FAM184A: variants seen among roughly 807,000 people sequenced by gnomAD.
FAM184A encodes family with sequence similarity 184 member A, also known as protein FAM184A.
Under a neutral mutation model 143.8 loss-of-function variants are expected in FAM184A, and 99 were observed. That is an observed-to-expected ratio of 0.69 (90% CI 0.58 to 0.81). FAM184A has a LOEUF of 0.81. FAM184A is among the 40% of genes least tolerant of loss of function. The probability of loss-of-function intolerance (pLI) is 0.00; values close to 1 mark genes in which losing one functional copy is unlikely to be tolerated. For synonymous variants in FAM184A, 427 were observed against 446.4 expected, an observed-to-expected ratio of 0.96 and a Z score of 0.55; for missense variants, 1,217 against 1,310.5, an observed-to-expected ratio of 0.93 and a Z score of 1.10.
intron 11 of FAM184A, among the ~76,000 whole-genome samples, chr6:118,978,145 T>A (rs1254759121): frequency 6.6e-6 from 1 of 152,120 alleles, no homozygotes; most frequent in Non-Finnish European, 1.5e-5. Flanking sequence ...GTATTTTTAG[T>A]AGAGATGCAG....
intron 5 of FAM184A, among the ~76,000 whole-genome samples, chr6:119,015,001 A>G (rs1241499879): frequency 6.6e-6 from 1 of 151,782 alleles, no homozygotes; most frequent in Non-Finnish European, 1.5e-5. Context: ...GGAGGTTGCA[A>G]TGAGCCGAGA....
chr6:119,030,807 G>A, intron 1 of FAM184A, among the ~76,000 whole-genome samples: 1 of 151,592 alleles, frequency 6.6e-6, no homozygotes. Flanking sequence ...TTTTCATAAA[G>A]TACTTTAAAA....
rs564579639 is a variant in FAM184A at position 119,108,926 on chromosome 6, A to G, written c.-202+40152T>C. On this transcript the variant is annotated intron_variant, in intron 1 of 16. Coordinates refer to the FAM184A transcript ENST00000352896. ...TTGAGGGCATCTATGAGTTGACTCA[A>G]TACTACAAACCTAAATCTACTCCCC... Among the ~76,000 whole-genome samples, 4 of 152,306 alleles carry G rather than the reference A, an allele frequency of 2.6e-5. No individual in the cohort carries two copies. In the East Asian group the frequency reaches 5.8e-4, roughly 22 times the overall value.
intron 1 of FAM184A, among the ~76,000 whole-genome samples, chr6:119,036,482 C>A (rs929429763): frequency 1.3e-5 from 2 of 151,986 alleles, no homozygotes; most frequent in Non-Finnish European, 2.9e-5. Context: ...GCTGGGAAAT[C>A]TTTTGGAAAA....
intron 1 of FAM184A, among the ~76,000 whole-genome samples, chr6:119,075,521 T>C (rs1374737632): frequency 6.6e-6 from 1 of 152,188 alleles, no homozygotes; most frequent in Non-Finnish European, 1.5e-5. Flanking sequence ...GTGAGAATTT[T>C]AACTCAGTGT....
chr6:119,136,001 G>A (rs369833806), intron 1 of FAM184A, among the ~76,000 whole-genome samples: 23 of 150,832 alleles, frequency 1.5e-4, no homozygotes, highest in Admixed American at 1.3e-3. Context: ...TTTCCAGGCC[G>A]GGCGCGGTGG....
chr6:119,085,860 G>C (rs1456597365), intron 1 of FAM184A, among the ~76,000 whole-genome samples: 2 of 152,196 alleles, frequency 1.3e-5, no homozygotes, highest in Non-Finnish European at 2.9e-5. Context: ...TACATGGCCA[G>C]AGCAGGAGAA....
intron 4 of FAM184A, among the ~76,000 whole-genome samples, chr6:119,017,289 G>A (rs942440942): frequency 6.6e-6 from 1 of 152,208 alleles, no homozygotes; most frequent in African/African-American, 2.4e-5. Context: ...ACGAGGTCAG[G>A]AGATCAAGAC....
intron 9 of FAM184A, among the ~76,000 whole-genome samples, chr6:118,990,133 TTTTA>T (rs1784331272): frequency 6.6e-6 from 1 of 152,196 alleles, no homozygotes; most frequent in South Asian, 2.1e-4. Flanking sequence ...GCCAACATCT[TTTTA>T]TTTCTTAGAA....
At chr6:118,979,583 A>C in intron 10 of FAM184A, 65 bp from the exon 11 acceptor site, 2 of 1,243,444 alleles carry the variant, frequency 1.6e-6, no homozygotes, top group Non-Finnish European at 1.1e-6. Context: ...ACAAAATAGA[A>C]AACAGTTACT....
At chr6:119,051,969 G>T (rs1358585304) in intron 1 of FAM184A, among the ~76,000 whole-genome samples, 1 of 152,186 alleles carries the variant, frequency 6.6e-6, no homozygotes, top group Non-Finnish European at 1.5e-5. Flanking sequence ...TGGAGGCCCA[G>T]GTTCCCAGAC....
At chr6:118,977,963 T>C (rs902362943) in intron 11 of FAM184A, among the ~76,000 whole-genome samples, 8 of 152,156 alleles carry the variant, frequency 5.3e-5, no homozygotes. Context: ...ATTTTATTTA[T>C]TTATTTATTT....
chr6:118,977,852 GA>G (rs1783892924), intron 11 of FAM184A, among the ~76,000 whole-genome samples: 2 of 152,196 alleles, frequency 1.3e-5, no homozygotes, highest in South Asian at 4.1e-4. Flanking sequence ...ACTAGTTAAA[GA>G]GATCTCTGTA....
intron 1 of FAM184A, among the ~76,000 whole-genome samples, chr6:119,049,443 T>A (rs570616475): frequency 1.3e-4 from 20 of 152,252 alleles, no homozygotes; most frequent in African/African-American, 4.6e-4. Context: ...AGCGACACTT[T>A]GTCTCAAAAA....
intron 1 of FAM184A, among the ~76,000 whole-genome samples, chr6:119,145,232 C>T (rs1181189692): frequency 6.6e-6 from 1 of 152,200 alleles, no homozygotes; most frequent in Non-Finnish European, 1.5e-5. Context: ...AGTGGCCTAT[C>T]ATGGCCACCT....
At chr6:119,142,288 C>A (rs1355559939) in intron 1 of FAM184A, among the ~76,000 whole-genome samples, 2 of 152,072 alleles carry the variant, frequency 1.3e-5, no homozygotes, top group Non-Finnish European at 2.9e-5. Flanking sequence ...GACCTCGAAG[C>A]CCTGATGGTG....
At chr6:119,098,987 A>G (rs983965038) in intron 1 of FAM184A, among the ~76,000 whole-genome samples, 2 of 152,140 alleles carry the variant, frequency 1.3e-5, no homozygotes, top group East Asian at 1.9e-4. Flanking sequence ...GCGCATGCCT[A>G]TAATCCCAGC....
Position 118,981,691 on chromosome 6 carries a change from C to CTG in FAM184A, c.2089-1343_2089-1342dup, listed in dbSNP as rs1275339443. Among the ~76,000 whole-genome samples, 3 of 152,126 alleles carry CTG rather than the reference C, an allele frequency of 2.0e-5. 1 individual carries two copies. Among genetic ancestry groups the CTG allele is most frequent in the Admixed American group, 2.0e-4 (3 of 15,268 alleles). On this transcript the variant is annotated intron_variant, in intron 9 of 17. Coordinates refer to ENST00000338891, the MANE Select transcript of FAM184A (RefSeq NM_024581.6). ...AAAAAGCAGCAGGAACAGTCACAGA[C>CTG]TGTAGTGAGCTTAGGGTGATGATTA...
chr6:119,126,484 C>A (rs1789369092), intron 1 of FAM184A, among the ~76,000 whole-genome samples: 1 of 152,170 alleles, frequency 6.6e-6, no homozygotes, highest in African/African-American at 2.4e-5. Context: ...CACTCCAGCC[C>A]TAGTGGGACG....
Sources: gnomAD v4.1 joint callset for allele counts (sites outside exome capture counted in the v4.1 genomes callset) on GRCh38, gnomAD v4.1.1 for gene constraint, MANE v1.5 for transcripts, NCBI Gene and HGNC (gene_info 2026-07-23, HGNC 2026-07-21) for gene names.